The following KCNMA1 variants were observed in gnomAD, a reference collection of about 807,000 sequenced individuals.
The protein encoded by KCNMA1 is Calcium-activated potassium channel subunit alpha-1.
In KCNMA1, 29 loss-of-function variants were observed where a neutral mutation model predicts 140.0. The observed-to-expected ratio is 0.21, with a 90% CI of 0.15 to 0.28. The LOEUF is 0.28. Among genes scored for constraint, KCNMA1 ranks in the 10% least tolerant of loss-of-function variants. The probability of loss-of-function intolerance (pLI) is 1.00; values close to 1 mark genes in which losing one functional copy is unlikely to be tolerated. For synonymous variants in KCNMA1, 612 were observed against 611.9 expected, an observed-to-expected ratio of 1.00 and a Z score of 0.00; for missense variants, 880 against 1,602.2, an observed-to-expected ratio of 0.55 and a Z score of 7.70.
chr10:77,316,378 A>T (rs1056693265), intron 2 of KCNMA1, among the ~76,000 whole-genome samples: 1 of 152,180 alleles, frequency 6.6e-6, no homozygotes. Flanking sequence ...GAAGTCAGCA[A>T]TTTGGTTTAC....
chr10:76,920,370 C>A, intron 23 of KCNMA1, among the ~76,000 whole-genome samples: 1 of 152,016 alleles, frequency 6.6e-6, no homozygotes, highest in East Asian at 1.9e-4. Flanking sequence ...TTCTCAGAAC[C>A]ATCCTATGTA....
chr10:77,157,934 TC>T (rs1217727411), intron 5 of KCNMA1, among the ~76,000 whole-genome samples: 1 of 152,120 alleles, frequency 6.6e-6, no homozygotes, highest in African/African-American at 2.4e-5. Flanking sequence ...CTGCCTCCTT[TC>T]CCACAGCTTC....
chr10:77,173,989 G>A (rs1316769952), intron 5 of KCNMA1, among the ~76,000 whole-genome samples: 2 of 152,200 alleles, frequency 1.3e-5, no homozygotes, highest in Non-Finnish European at 2.9e-5. Flanking sequence ...TGAGCATGAT[G>A]AAATTGGCCC....
At chr10:77,549,557 A>G (rs765720287) in intron 1 of KCNMA1, among the ~76,000 whole-genome samples, 20 of 152,216 alleles carry the variant, frequency 1.3e-4, no homozygotes, top group Non-Finnish European at 2.8e-4. Context: ...CAGTGAGAAG[A>G]GCGAACCCAG....
At chr10:76,977,831 CTAAG>C (rs2078141497) in intron 19 of KCNMA1, 1 of 578,314 alleles carries the variant, frequency 1.7e-6, no homozygotes, top group African/African-American at 1.9e-5. Context: ...CCAACTCAAG[CTAAG>C]TTAGATTCAT....
At chr10:77,614,886 A>G (rs1020494383) in intron 1 of KCNMA1, among the ~76,000 whole-genome samples, 5 of 152,224 alleles carry the variant, frequency 3.3e-5, no homozygotes, top group Admixed American at 6.5e-5. Flanking sequence ...GTATGGGACA[A>G]GTTGCCAATG....
At chr10:76,974,714 T>C (rs71475627) in intron 19 of KCNMA1, 18,123 of 634,280 alleles carry the variant, frequency 0.029, 362 homozygotes, top group African/African-American at 0.036. Flanking sequence ...GCCATTTTTT[T>C]CCCTTTCTTT....
intron 2 of KCNMA1, among the ~76,000 whole-genome samples, chr10:77,343,260 A>C (rs577443514): frequency 1.3e-5 from 2 of 152,284 alleles, no homozygotes; most frequent in South Asian, 4.1e-4. Flanking sequence ...TGAATCAGAT[A>C]ATTTTCTGAG....
At chr10:77,170,007 A>G (rs2098686468) in intron 5 of KCNMA1, among the ~76,000 whole-genome samples, 1 of 152,166 alleles carries the variant, frequency 6.6e-6, no homozygotes, top group African/African-American at 2.4e-5. Context: ...CCTGTCCAAC[A>G]TGGTGAAACC....
intron 5 of KCNMA1, among the ~76,000 whole-genome samples, chr10:77,165,973 A>AG (rs1215858219): frequency 5.9e-5 from 9 of 152,280 alleles, no homozygotes; most frequent in African/African-American, 2.2e-4. Context: ...GGGAAAATGC[A>AG]GTTGAGCTAA....
intron 1 of KCNMA1, among the ~76,000 whole-genome samples, chr10:77,512,707 C>A (rs962100833): frequency 5.3e-5 from 8 of 152,284 alleles, no homozygotes; most frequent in Admixed American, 3.3e-4. Flanking sequence ...GAGATTAGGG[C>A]ACAGACTTAC....
chr10:77,042,463 C>T (rs144258648), intron 14 of KCNMA1, among the ~76,000 whole-genome samples: 1 of 152,320 alleles, frequency 6.6e-6, no homozygotes, highest in Non-Finnish European at 1.5e-5. Context: ...TATGAGGTAT[C>T]ACTAATTACA....
At chr10:77,424,516 T>TCATC (rs1377303873) in intron 1 of KCNMA1, among the ~76,000 whole-genome samples, 1 of 151,822 alleles carries the variant, frequency 6.6e-6, no homozygotes, top group African/African-American at 2.4e-5. Flanking sequence ...GTTCATTCAT[T>TCATC]CATTCATTCA....
chr10:77,068,734 A>G (rs61868835), intron 14 of KCNMA1, among the ~76,000 whole-genome samples: 8 of 23,990 alleles, frequency 3.3e-4, no homozygotes, highest in African/African-American at 8.6e-4. Flanking sequence ...GTGTGTGTGT[A>G]TAAAATGATA....
intron 23 of KCNMA1, among the ~76,000 whole-genome samples, chr10:76,916,264 C>T (rs1337516842): frequency 6.6e-6 from 1 of 152,096 alleles, no homozygotes. Context: ...TGGAAAGCAG[C>T]CTGCTTGGTC....
intron 3 of KCNMA1, among the ~76,000 whole-genome samples, chr10:77,243,779 G>A (rs1013375555): frequency 2.0e-5 from 3 of 152,166 alleles, no homozygotes; most frequent in African/African-American, 4.8e-5. Context: ...CTTCCACAGT[G>A]GAGCTGAACT....
At chr10:76,956,128 G>T (rs1264816758) in intron 20 of KCNMA1, among the ~76,000 whole-genome samples, 1 of 152,188 alleles carries the variant, frequency 6.6e-6, no homozygotes, top group Non-Finnish European at 1.5e-5. Flanking sequence ...GATACATTTT[G>T]GTTTGGTATA....
chr10:77,097,866 G>A (rs1242876938), intron 9 of KCNMA1, among the ~76,000 whole-genome samples: 1 of 152,104 alleles, frequency 6.6e-6, no homozygotes, highest in Non-Finnish European at 1.5e-5. Context: ...TCTGGATGTG[G>A]CAGGCTGTGC....
Position 77,073,226 on chromosome 10 carries a change from C to T in KCNMA1, c.1620G>A (p.Trp540Ter), listed in dbSNP as rs766410092. ...TTGCGTCATCACCTTCTTTCCAATT[C>T]CAGCTCGGGATGTTTAGCAGATGGG... ...NKAHLLNIPSWNWKEGDDAIC... is the reference protein window; with the variant it reads ...NKAHLLNIPS Residue 540 changes from tryptophan to a stop codon, truncating the protein, a stop_gained, in exon 14 of 28, where the codon TGG becomes TGA. Coordinates refer to ENST00000286628, the MANE Select transcript of KCNMA1 (RefSeq NM_001161352.2). LOFTEE classifies it high-confidence loss of function. 1 of 1,614,188 alleles carries T rather than the reference C, an allele frequency of 6.2e-7. No individual in the cohort carries two copies. The highest frequency in any genetic ancestry group is 8.5e-7 in the Non-Finnish European group (1 of 1,180,030).
Sources: allele counts gnomAD v4.1 joint callset (sites outside exome capture counted in the v4.1 genomes callset), GRCh38; gene constraint gnomAD v4.1.1; transcripts MANE v1.5; gene names NCBI Gene and HGNC (gene_info 2026-07-23, HGNC 2026-07-21).